The following BABAM2 variants were observed in gnomAD, a reference collection of about 807,000 sequenced individuals.
BABAM2 encodes the protein BRISC and BRCA1 A complex member 2.
BABAM2 carries 31 observed loss-of-function variants against 54.7 expected under a neutral mutation model. The ratio of observed to expected loss-of-function variants is 0.57; its 90% CI spans 0.43 to 0.77. BABAM2 has a LOEUF of 0.77. BABAM2 is among the 30% of genes least tolerant of loss of function. The probability of loss-of-function intolerance (pLI) is 0.00; values close to 1 mark genes in which losing one functional copy is unlikely to be tolerated. For synonymous variants in BABAM2, 167 were observed against 162.9 expected (o/e 1.03, Z -0.19); for missense variants, 364 against 455.8 (o/e 0.80, Z 1.83).
chr2:28,320,527 G>GA (rs1272552023), intron 11 of BABAM2, among the ~76,000 whole-genome samples: 1 of 152,362 alleles, frequency 6.6e-6, no homozygotes, highest in Middle Eastern at 3.4e-3. Context: ...CTGAGAGAAA[G>GA]AAACCCGACT....
intron 3 of BABAM2, among the ~76,000 whole-genome samples, chr2:27,958,536 TTA>T (rs1670253013): frequency 6.7e-6 from 1 of 149,836 alleles, no homozygotes; most frequent in African/African-American, 2.4e-5. Context: ...ATGCATAAAC[TTA>T]TATATGTTTA....
intron 7 of BABAM2, among the ~76,000 whole-genome samples, chr2:28,166,762 C>T (rs1306080855): frequency 6.6e-6 from 1 of 152,128 alleles, no homozygotes; most frequent in Non-Finnish European, 1.5e-5. Context: ...CCTTTGTTGC[C>T]AGCCCTAGGG....
At chr2:28,175,006 G>A (rs563621402) in intron 7 of BABAM2, among the ~76,000 whole-genome samples, 2 of 152,246 alleles carry the variant, frequency 1.3e-5, no homozygotes, top group South Asian at 4.2e-4. Context: ...AAGCCAAAAT[G>A]CATGCTTCCC....
At chr2:28,146,335 C>G (rs567728006) in intron 7 of BABAM2, among the ~76,000 whole-genome samples, 1 of 152,126 alleles carries the variant, frequency 6.6e-6, no homozygotes, top group Non-Finnish European at 1.5e-5. Context: ...ACTTCCTACC[C>G]TCATCATATT....
At chr2:28,013,694 TACACAC>T (rs56148921) in intron 4 of BABAM2, among the ~76,000 whole-genome samples, 3,086 of 106,000 alleles carry the variant, frequency 0.029, 76 homozygotes, top group African/African-American at 0.063. Context: ...AAAAAGCTCT[TACACAC>T]ACACACACAC....
chr2:27,963,137 G>A (rs1041900537), intron 3 of BABAM2, among the ~76,000 whole-genome samples: 4 of 152,102 alleles, frequency 2.6e-5, no homozygotes, highest in African/African-American at 9.7e-5. Flanking sequence ...AATGGCAGCA[G>A]ACTATAGATG....
chr2:28,075,788 A>G (rs901494017), intron 6 of BABAM2, among the ~76,000 whole-genome samples: 1 of 152,222 alleles, frequency 6.6e-6, no homozygotes, highest in African/African-American at 2.4e-5. Context: ...ATGATTCCTG[A>G]AACTATAATA....
At chr2:28,142,007 T>C (rs1459581282) in intron 7 of BABAM2, among the ~76,000 whole-genome samples, 4 of 152,160 alleles carry the variant, frequency 2.6e-5, no homozygotes, top group African/African-American at 7.2e-5. Flanking sequence ...AAGTAGGCAG[T>C]GACTAAGGCT....
In BABAM2 at chr2:27,970,342, T is replaced by C. The variant is rs142761994; in HGVS notation, c.206-17651T>C. ...CAAATTGTTATTTTAAAGGATAACA[T>C]CTGCCTTTTAAAAATTGGAACAAAT... On this transcript the variant is annotated intron_variant, in intron 3 of 11. Transcript: ENST00000379624. Among the ~76,000 whole-genome samples the C allele has an allele frequency of 4.0e-3, 613 of 152,326 alleles. 3 individuals carry two copies. Among genetic ancestry groups the C allele is most frequent in the South Asian group, 0.014 (66 of 4,818 alleles).
chr2:28,261,478 C>T (rs950301903), intron 10 of BABAM2, among the ~76,000 whole-genome samples: 18 of 151,772 alleles, frequency 1.2e-4, no homozygotes, highest in African/African-American at 3.9e-4. Flanking sequence ...TACAGGCGCC[C>T]GCCACCACAC....
chr2:28,254,442 C>T (rs1484732542), intron 10 of BABAM2, among the ~76,000 whole-genome samples: 1 of 151,634 alleles, frequency 6.6e-6, no homozygotes, highest in African/African-American at 2.4e-5. Flanking sequence ...CATGCCCAGC[C>T]CATTGTTGTT....
At chr2:28,158,116 A>G (rs1159990472) in intron 7 of BABAM2, among the ~76,000 whole-genome samples, 1 of 152,240 alleles carries the variant, frequency 6.6e-6, no homozygotes, top group Non-Finnish European at 1.5e-5. Context: ...CAGCATTTCT[A>G]TTTAAATTGA....
intron 10 of BABAM2, among the ~76,000 whole-genome samples, chr2:28,280,628 C>A (rs766440117): frequency 6.6e-6 from 1 of 152,150 alleles, no homozygotes; most frequent in Non-Finnish European, 1.5e-5. Flanking sequence ...TTCCTCTAGA[C>A]CTGGGGTTCA....
intron 7 of BABAM2, among the ~76,000 whole-genome samples, chr2:28,187,287 G>T (rs2338010): frequency 2.0e-5 from 3 of 152,310 alleles, no homozygotes; most frequent in East Asian, 1.9e-4. Flanking sequence ...CCATAGAGAA[G>T]GGCCACTAGA....
chr2:27,931,827 A>C (rs1287980297), intron 3 of BABAM2, among the ~76,000 whole-genome samples: 1 of 152,094 alleles, frequency 6.6e-6, no homozygotes, highest in Non-Finnish European at 1.5e-5. Context: ...ATTTTATGAG[A>C]TGAATATATT....
chr2:28,327,306 C>A (rs368517485), intron 11 of BABAM2: 5 of 1,611,578 alleles, frequency 3.1e-6, no homozygotes, highest in Non-Finnish European at 4.2e-6. Flanking sequence ...GCCTGCAGCC[C>A]GTGGGAGCAA....
chr2:28,302,488 A>G (rs1688187742), intron 11 of BABAM2, among the ~76,000 whole-genome samples: 1 of 152,074 alleles, frequency 6.6e-6, no homozygotes. Flanking sequence ...TTATATGAAT[A>G]TAATGTATTA....
At chr2:28,190,635 C>T (rs947883364) in intron 7 of BABAM2, among the ~76,000 whole-genome samples, 3 of 152,148 alleles carry the variant, frequency 2.0e-5, no homozygotes, top group African/African-American at 2.4e-5. Flanking sequence ...TATGGAGAGC[C>T]GAGATGGCGC....
intron 6 of BABAM2, among the ~76,000 whole-genome samples, chr2:28,120,863 A>C (rs1669007737): frequency 6.6e-6 from 1 of 152,224 alleles, no homozygotes; most frequent in Non-Finnish European, 1.5e-5. Context: ...AGTTAAACTT[A>C]AAGCCACACC....
Sources: allele counts gnomAD v4.1 joint callset (sites outside exome capture counted in the v4.1 genomes callset), GRCh38; gene constraint gnomAD v4.1.1; transcripts MANE v1.5; gene names NCBI Gene and HGNC (gene_info 2026-07-23, HGNC 2026-07-21).